CYB5B: variants seen among roughly 807,000 people sequenced by gnomAD.
CYB5B encodes the protein cytochrome b5 type B, also known as cytochrome b5 type B (outer mitochondrial membrane).
A neutral mutation model predicts 21.3 loss-of-function variants in CYB5B; 14 were observed. The observed-to-expected ratio is 0.66, with a 90% CI of 0.43 to 1.03. CYB5B has a LOEUF of 1.03. Ranked by LOEUF, CYB5B falls within the 50% of genes least tolerant of loss-of-function variation. The probability of loss-of-function intolerance (pLI) is 0.00; values close to 1 mark genes in which losing one functional copy is unlikely to be tolerated. For synonymous variants in CYB5B, 69 were observed against 68.4 expected (o/e 1.01, Z -0.04); for missense variants, 166 against 185.1 (o/e 0.90, Z 0.60).
At chr16:69,445,185 A>C (rs1280917981) in intron 1 of CYB5B, among the ~76,000 whole-genome samples, 1 of 152,252 alleles carries the variant, frequency 6.6e-6, no homozygotes, top group Non-Finnish European at 1.5e-5. Context: ...TAATTCCAGA[A>C]CTGATGACTT....
chr16:69,459,376 C>T, intron 4 of CYB5B: 1 of 426,314 alleles, frequency 2.3e-6, no homozygotes, highest in Non-Finnish European at 4.1e-6. Context: ...ATTGGAATCA[C>T]ACTCAGTAAG....
Position 69,451,843 on chromosome 16 carries a change from C to T in CYB5B, c.333+3699C>T, listed in dbSNP as rs929609064. ...GCGGGCAACTGTAGTCCCAGCTACT[C>T]GGGGCAGGAGAATGGCGTGAACCTA... On this transcript the variant is annotated intron_variant, in intron 3 of 4. Transcript: ENST00000307892. Among the ~76,000 whole-genome samples, 116 of 148,588 alleles carry T rather than the reference C, an allele frequency of 7.8e-4. 1 individual carries two copies. Among genetic ancestry groups the T allele is most frequent in the Admixed American group, 2.1e-4 (3 of 14,500 alleles).
intron 1 of CYB5B, among the ~76,000 whole-genome samples, chr16:69,436,107 G>A (rs945608433): frequency 6.6e-6 from 1 of 152,110 alleles, no homozygotes; most frequent in Non-Finnish European, 1.5e-5. Context: ...TTTGCCCGGG[G>A]GCATGGCATG....
intron 3 of CYB5B, 98 bp downstream of exon 3, chr16:69,448,242 A>G: frequency 7.1e-7 from 1 of 1,410,032 alleles, no homozygotes. Flanking sequence ...GTTACAAAGT[A>G]TTTACTTTTT....
At chr16:69,438,942 A>C (rs2014791477) in intron 1 of CYB5B, among the ~76,000 whole-genome samples, 2 of 151,988 alleles carry the variant, frequency 1.3e-5, no homozygotes, top group Admixed American at 1.3e-4. Flanking sequence ...GATGCTCAAA[A>C]GTTTTTATTC....
chr16:69,429,449 T>C (rs1455643323), intron 1 of CYB5B, among the ~76,000 whole-genome samples: 1 of 152,036 alleles, frequency 6.6e-6, no homozygotes, highest in Admixed American at 6.6e-5. Context: ...AGACACAGAG[T>C]GCTGATTGGT....
chr16:69,433,463 A>G (rs950230395), intron 1 of CYB5B, among the ~76,000 whole-genome samples: 3 of 152,080 alleles, frequency 2.0e-5, no homozygotes, highest in Non-Finnish European at 4.4e-5. Flanking sequence ...ATGCACACTC[A>G]TCTGTGTCTT....
chr16:69,446,235 C>G (rs932669148), intron 1 of CYB5B, among the ~76,000 whole-genome samples: 1 of 152,160 alleles, frequency 6.6e-6, no homozygotes, highest in East Asian at 1.9e-4. Context: ...CTAAAGACAT[C>G]TCAATTTTTT....
chr16:69,440,587 C>A (rs2014809815), intron 1 of CYB5B, among the ~76,000 whole-genome samples: 1 of 152,234 alleles, frequency 6.6e-6, no homozygotes, highest in South Asian at 2.1e-4. Context: ...GTTGCATTCT[C>A]ATGTGTTGTG....
Position 69,459,097 on chromosome 16 carries a change from C to G in CYB5B, c.338C>G (p.Pro113Arg). Residue 113 changes from proline (P) to arginine (R), a missense_variant, in exon 4 of 5, where the codon CCT becomes CGT. Physicochemically the swap from Pro to Arg is moderately radical, Grantham distance 103 (BLOSUM62 -2). Coordinates refer to ENST00000307892, the MANE Select transcript of CYB5B (RefSeq NM_030579.3). ...DLKPESGSKD[P>R]SKNDTCKSCW... ...TTTTTTTTTTTTTTATTTCAGGACC[C>G]TTCAAAAAATGATACATGCAAAAGG... 1 of 1,600,758 alleles carries G rather than the reference C, an allele frequency of 6.2e-7. No homozygotes were observed. The highest frequency in any genetic ancestry group is 1.4e-5 in the African/African-American group (1 of 73,596).
chr16:69,454,368 A>G (rs2014963657), intron 3 of CYB5B, among the ~76,000 whole-genome samples: 2 of 152,224 alleles, frequency 1.3e-5, no homozygotes, highest in Admixed American at 1.3e-4. Context: ...ACTGACTTGA[A>G]TATTTTAGTA....
At chr16:69,430,036 C>G (rs1045909401) in intron 1 of CYB5B, among the ~76,000 whole-genome samples, 3 of 152,110 alleles carry the variant, frequency 2.0e-5, no homozygotes, top group African/African-American at 7.2e-5. Flanking sequence ...TCAGTGCATT[C>G]ATGAGTTGTT....
intron 4 of CYB5B, among the ~76,000 whole-genome samples, chr16:69,462,109 A>G (rs897456700): frequency 2.0e-5 from 3 of 152,222 alleles, no homozygotes; most frequent in Non-Finnish European, 2.9e-5. Flanking sequence ...CAAAAGCACA[A>G]TGAAGAAAAT....
At chr16:69,447,079 G>A in intron 1 of CYB5B, 71 bp from the exon 2 acceptor site, 2 of 1,547,316 alleles carry the variant, frequency 1.3e-6, no homozygotes, top group Non-Finnish European at 1.8e-6. Flanking sequence ...GGAAGAAGGG[G>A]GTATGGGAAA....
intron 1 of CYB5B, among the ~76,000 whole-genome samples, chr16:69,435,906 G>A (rs2014755512): frequency 6.6e-6 from 1 of 152,068 alleles, no homozygotes. Flanking sequence ...CCCAAATGCT[G>A]GGATTACAGA....
At chr16:69,453,538 C>G (rs1317560535) in intron 3 of CYB5B, among the ~76,000 whole-genome samples, 2 of 151,938 alleles carry the variant, frequency 1.3e-5, no homozygotes, top group Admixed American at 6.6e-5. Flanking sequence ...TTCCTGATTT[C>G]TTGTGTGTTT....
At chr16:69,447,301 G>T in intron 2 of CYB5B, 23 bp downstream of exon 2, 1 of 1,609,518 alleles carries the variant, frequency 6.2e-7, no homozygotes, top group Non-Finnish European at 8.5e-7. Context: ...AGAGATGGGA[G>T]CCCTTATGCA....
At chr16:69,454,267 T>C (rs956034621) in intron 3 of CYB5B, among the ~76,000 whole-genome samples, 1 of 152,168 alleles carries the variant, frequency 6.6e-6, no homozygotes, top group African/African-American at 2.4e-5. Flanking sequence ...TACAGGGAAA[T>C]TTTTTTATAT....
chr16:69,446,589 G>T (rs1403250326), intron 1 of CYB5B, among the ~76,000 whole-genome samples: 1 of 152,202 alleles, frequency 6.6e-6, no homozygotes, highest in African/African-American at 2.4e-5. Context: ...CTCCCAAAGT[G>T]CTGGGATTAC....
Sources: gnomAD v4.1 joint callset for allele counts (sites outside exome capture counted in the v4.1 genomes callset) on GRCh38, gnomAD v4.1.1 for gene constraint, MANE v1.5 for transcripts, NCBI Gene and HGNC (gene_info 2026-07-23, HGNC 2026-07-21) for gene names.